Variants in HOXD13 observed in about 807,000 individuals in gnomAD.
HOXD13 encodes homeobox protein Hox-D13.
In HOXD13, 16 loss-of-function variants were observed where a neutral mutation model predicts 27.3. That is an observed-to-expected ratio of 0.59 (90% CI 0.40 to 0.89). The LOEUF (loss-of-function observed/expected upper bound fraction) is 0.89, where lower values mean the gene tolerates loss of function less well. Ranked by LOEUF, HOXD13 falls within the 40% of genes least tolerant of loss-of-function variation. The pLI, the probability that HOXD13 is intolerant of heterozygous loss-of-function variation, is 0.00. For missense variants in HOXD13, 481 were observed against 482.6 expected (o/e 1.00, Z 0.03); for synonymous variants, 241 against 219.0 (o/e 1.10, Z -0.89).
At chr2:176,091,190 C>T (rs1689313720), upstream of HOXD13, among the ~76,000 whole-genome samples, 1 of 152,200 alleles carries the variant, frequency 6.6e-6, no homozygotes, top group Admixed American at 6.5e-5. Context: ...CAAGGAGGGC[C>T]TTCCTGGCTC....
Position 176,093,403 on chromosome 2 carries a change from A to G in HOXD13, c.513A>G (p.Ser171=), listed in dbSNP as rs1221715617. 5.0e-6 allele frequency: 8 copies of G among 1,613,858 alleles called. No individual in the cohort carries two copies. In the Admixed American group the frequency reaches 1.0e-4, roughly 20 times the overall value. The change falls in exon 1 of 2, where the codon TCA becomes TCG. Residue 171 remains serine (S), a synonymous_variant. Transcript: ENST00000392539. ...GFPVEKYMDV[S]GLASSSVPAN... is the part of the protein sequence containing the mutation. ...CCGTGGAGAAGTACATGGACGTGTC[A>G]GGCCTGGCGAGCAGCAGCGTACCGG...
rs753809256 is a variant in HOXD13 at position 176,093,016 on chromosome 2, C to A, written c.126C>A (p.Gly42=). Residue 42 remains glycine, a synonymous_variant, in exon 1 of 2, where the codon GGC becomes GGA. Coordinates refer to ENST00000392539, the MANE Select transcript of HOXD13 (RefSeq NM_000523.4). ...AAAAASGQCR[G]FLSAPVFAGT... ...CGGCGGCGTCAGGCCAGTGCCGCGGCTTTCTCTCCGCGCCTGTGTTCGCCG... is the reference window on the plus strand; with the variant it reads ...CGGCGGCGTCAGGCCAGTGCCGCGGATTTCTCTCCGCGCCTGTGTTCGCCG... 5.6e-5 allele frequency: 77 copies of A among 1,386,446 alleles called. 1 individual carries two copies. Among genetic ancestry groups the A allele is most frequent in the Middle Eastern group, 2.0e-4 (1 of 4,966 alleles). The allele number at this position is 1,386,446 out of a possible 1,614,324, so 85.9% of individuals were successfully genotyped here.
Position 176,095,130 on chromosome 2 carries a change from T to G in HOXD13, c.*400T>G. 3.1e-6 allele frequency: 1 copy of G among 319,448 alleles called. No homozygotes were observed. Among genetic ancestry groups the G allele is most frequent in the South Asian group, 5.0e-5 (1 of 20,018 alleles). The allele number at this position is 319,448 out of a possible 1,614,324, so 19.8% of individuals were successfully genotyped here. On this transcript the variant is annotated 3_prime_UTR_variant, in exon 2 of 2. Transcript: ENST00000392539. ...TTGTTCATTCCCAGCACTGATTATC[T>G]TCATAATCCATTAGGACAGAATGGT...
At position 176,094,448 on chromosome 2, in the gene HOXD13, C is replaced by G. The variant is rs200799183; in HGVS notation, c.782-32C>G. On this transcript the variant is annotated intron_variant, in intron 1 of 1. Coordinates refer to ENST00000392539, the MANE Select transcript of HOXD13 (RefSeq NM_000523.4). ...CAGCTAGGTGCTCCGAATATCCCAGCCTAATTTTTCTTGTGCTTTTGTTTG... is the reference window on the plus strand; with the variant it reads ...CAGCTAGGTGCTCCGAATATCCCAGGCTAATTTTTCTTGTGCTTTTGTTTG... 76 of 1,610,716 alleles carry G rather than the reference C, an allele frequency of 4.7e-5. No homozygotes were observed. In the African/African-American group the frequency reaches 9.4e-4, roughly 20 times the overall value.
At chr2:176,092,637 G>A (rs1021690933), upstream of HOXD13, among the ~76,000 whole-genome samples, 5 of 152,140 alleles carry the variant, frequency 3.3e-5, no homozygotes, top group Non-Finnish European at 5.9e-5. Context: ...GGGGCCCTCG[G>A]GGCGGGAGGC....
chr2:176,091,834 C>G (rs1470073732), upstream of HOXD13, among the ~76,000 whole-genome samples: 6 of 151,986 alleles, frequency 3.9e-5, no homozygotes, highest in African/African-American at 1.5e-4. Context: ...TGGAGAGACA[C>G]AGAAGTTTCA....
Position 176,093,322 on chromosome 2 carries a change from G to A in HOXD13, c.432G>A (p.Val144=), listed in dbSNP as rs546802875. 6.2e-7 allele frequency: 1 copy of A among 1,613,112 alleles called. No homozygotes were observed. The highest frequency in any genetic ancestry group is 2.2e-5 in the East Asian group (1 of 44,864). ...ACAGCTGCCGTATGTCGCACGGCGT[G>A]GGCTTACAGCAGAATGCGCTCAAGT... ...GYYSCRMSHG[V]GLQQNALKSS... Residue 144 remains valine, a synonymous_variant, in exon 1 of 2, where the codon GTG becomes GTA. Transcript: ENST00000392539.
rs769954517 is a variant in HOXD13, at chr2:176,093,319, C to G, written c.429C>G (p.Gly143=). The part of the protein sequence containing the change: ...NGYYSCRMSH[G]VGLQQNALKS... ...ACTACAGCTGCCGTATGTCGCACGG[C>G]GTGGGCTTACAGCAGAATGCGCTCA... Residue 143 remains glycine, a synonymous_variant, in exon 1 of 2, where the codon GGC becomes GGG. Transcript: ENST00000392539. The G allele has an allele frequency of 9.9e-6, 16 of 1,612,926 alleles. No individual in the cohort carries two copies. The highest frequency in any genetic ancestry group is 1.4e-5 in the Non-Finnish European group (16 of 1,179,890).
chr2:176,094,493 A>G lies in HOXD13; in HGVS notation c.795A>G (p.Leu265=), dbSNP rs780305650. ...WKSSFPGDVA[L]NQPDMCVYRR... ...TGTTTGTATCAGGGGATGTGGCTCTAAATCAGCCGGACATGTGCGTCTACC... is the reference window on the plus strand; with the variant it reads ...TGTTTGTATCAGGGGATGTGGCTCTGAATCAGCCGGACATGTGCGTCTACC... Residue 265 remains leucine, a synonymous_variant, in exon 2 of 2, where the codon CTA becomes CTG. Coordinates refer to ENST00000392539, the MANE Select transcript of HOXD13 (RefSeq NM_000523.4). 6 of 1,613,946 alleles carry G rather than the reference A, an allele frequency of 3.7e-6. No homozygotes were observed. In the South Asian group the frequency reaches 5.5e-5, roughly 15 times the overall value.
upstream of HOXD13, among the ~76,000 whole-genome samples, chr2:176,088,179 G>A (rs1045908800): frequency 6.6e-6 from 1 of 152,274 alleles, no homozygotes; most frequent in Non-Finnish European, 1.5e-5. Flanking sequence ...TGGGCTTCGA[G>A]CCTCGGGCTC....
upstream of HOXD13, among the ~76,000 whole-genome samples, chr2:176,092,630 GC>G (rs1689337466): frequency 6.6e-6 from 1 of 152,148 alleles, no homozygotes; most frequent in African/African-American, 2.4e-5. Context: ...CCCGGCGGGG[GC>G]CCTCGGGGCG....
In HOXD13 at chr2:176,095,386, ATTGT is replaced by A. The variant is rs532239725; in HGVS notation, c.*663_*666del. On this transcript the variant is annotated 3_prime_UTR_variant, in exon 2 of 2. Coordinates refer to ENST00000392539, the MANE Select transcript of HOXD13 (RefSeq NM_000523.4). ...TTTGGGTGTTTCACTTGCTGTTTTA[ATTGT>A]TTGTTTTTAACACTTTGTAGGTTTG... The A allele has an allele frequency of 2.0e-4, 45 of 229,020 alleles. 1 individual carries two copies. The East Asian group carries it at 2.7e-3, about 14-fold the overall frequency. The allele number at this position is 229,020 out of a possible 1,614,324, so 14.2% of individuals were successfully genotyped here. A position where few individuals can be genotyped will look rare whatever the true frequency, so the allele number is the denominator to read the frequency against.
chr2:176,093,712 G>C, intron 1 of HOXD13, 41 bp downstream of exon 1: 1 of 1,325,292 alleles, frequency 7.5e-7, no homozygotes, highest in South Asian at 1.4e-5. Flanking sequence ...GAGGGAGGGG[G>C]AGAGAGAAGG....
upstream of HOXD13, among the ~76,000 whole-genome samples, chr2:176,089,202 GT>G (rs200745868): frequency 0.014 from 2,041 of 146,974 alleles, 53 homozygotes; most frequent in African/African-American, 0.053. Flanking sequence ...GGTTTGGTTT[GT>G]TGTTGTTGTT....
rs2105377947 is a variant in HOXD13 at position 176,092,819 on chromosome 2, G to A, written c.-72G>A. On this transcript the variant is annotated 5_prime_UTR_variant, in exon 1 of 2. Coordinates refer to ENST00000392539, the MANE Select transcript of HOXD13 (RefSeq NM_000523.4). The stretch of plus-strand genomic sequence containing the variant: ...GCGAACCAGAGAGAAAGGAGAGGAG[G>A]GAGGAGGCGCGCCGCGCCATGGTGT... 3 of 992,604 alleles carry A rather than the reference G, an allele frequency of 3.0e-6. No homozygotes were observed. Among genetic ancestry groups the A allele is most frequent in the Non-Finnish European group, 3.9e-6 (3 of 777,036 alleles). 61.5% of individuals were successfully genotyped at this position (992,604 alleles called of 1,614,324 possible). A position where few individuals can be genotyped will look rare whatever the true frequency, so the allele number is the denominator to read the frequency against.
At chr2:176,090,170 G>T (rs899495972), upstream of HOXD13, among the ~76,000 whole-genome samples, 1 of 152,250 alleles carries the variant, frequency 6.6e-6, no homozygotes, top group Non-Finnish European at 1.5e-5. Flanking sequence ...AGCCCAAGTG[G>T]ACAAAGTCAG....
upstream of HOXD13, among the ~76,000 whole-genome samples, chr2:176,089,139 C>A (rs1295283418): frequency 6.6e-6 from 1 of 152,236 alleles, no homozygotes; most frequent in Non-Finnish European, 1.5e-5. Context: ...AGAAAGTACT[C>A]AAATGTGGCT....
At chr2:176,089,768 A>T (rs10930722), upstream of HOXD13, among the ~76,000 whole-genome samples, 1 of 152,144 alleles carries the variant, frequency 6.6e-6, no homozygotes, top group Non-Finnish European at 1.5e-5. Context: ...TGGGCACCAT[A>T]GGGTCATCCT....
At chr2:176,091,738 C>T (rs1689322268), upstream of HOXD13, among the ~76,000 whole-genome samples, 1 of 152,110 alleles carries the variant, frequency 6.6e-6, no homozygotes, top group Admixed American at 6.5e-5. Context: ...ACAAAGGTCC[C>T]TGGGAAAGTG....
Sources: allele counts gnomAD v4.1 joint callset (sites outside exome capture counted in the v4.1 genomes callset), GRCh38; gene constraint gnomAD v4.1.1; transcripts MANE v1.5; gene names NCBI Gene and HGNC (gene_info 2026-07-23, HGNC 2026-07-21).